The following ECHDC1 variants were observed in gnomAD, a reference collection of about 807,000 sequenced individuals.
The protein encoded by ECHDC1 is ethylmalonyl-CoA decarboxylase.
Under a neutral mutation model 29.7 loss-of-function variants are expected in ECHDC1, and 29 were observed. The observed-to-expected ratio is 0.98, with a 90% CI of 0.73 to 1.33. ECHDC1 has a LOEUF of 1.33. ECHDC1 is among the 40% of genes most tolerant of loss of function. The probability of loss-of-function intolerance (pLI) is 0.00; values close to 1 mark genes in which losing one functional copy is unlikely to be tolerated. For missense variants in ECHDC1, 328 were observed against 350.0 expected (o/e 0.94, Z 0.50); for synonymous variants, 126 against 123.1 (o/e 1.02, Z -0.15).
chr6:127,316,002 C>G, intron 4 of ECHDC1: 1 of 470,774 alleles, frequency 2.1e-6, no homozygotes, highest in South Asian at 1.5e-5. Flanking sequence ...TCATATTCCT[C>G]AGAAAGCTGT....
intron 5 of ECHDC1, among the ~76,000 whole-genome samples, chr6:127,296,337 G>A (rs1371724545): frequency 2.0e-5 from 3 of 152,048 alleles, no homozygotes; most frequent in Non-Finnish European, 2.9e-5. Context: ...GCAACTACAC[G>A]TGCGCCATCA....
At chr6:127,308,472 GA>G (rs1246907796) in intron 5 of ECHDC1, among the ~76,000 whole-genome samples, 1 of 151,992 alleles carries the variant, frequency 6.6e-6, no homozygotes, top group Non-Finnish European at 1.5e-5. Flanking sequence ...AAACTACCAA[GA>G]AACTAGGTAT....
At chr6:127,328,689 T>C (rs1334726254) in intron 2 of ECHDC1, among the ~76,000 whole-genome samples, 1 of 152,222 alleles carries the variant, frequency 6.6e-6, no homozygotes, top group Non-Finnish European at 1.5e-5. Context: ...AGAATAAATC[T>C]GTATAGGTTA....
chr6:127,303,164 A>G (rs983788969), intron 5 of ECHDC1, among the ~76,000 whole-genome samples: 10 of 152,092 alleles, frequency 6.6e-5, no homozygotes, highest in African/African-American at 2.4e-4. Flanking sequence ...ACTGTTTTTC[A>G]TAAGTTAGCA....
chr6:127,333,042 C>A (rs942379763), intron 1 of ECHDC1, among the ~76,000 whole-genome samples: 2 of 152,208 alleles, frequency 1.3e-5, no homozygotes, highest in African/African-American at 4.8e-5. Context: ...ATCCACCCAC[C>A]TTGGCTTCCC....
intron 5 of ECHDC1, among the ~76,000 whole-genome samples, chr6:127,302,970 T>C (rs1242301621): frequency 1.3e-5 from 2 of 152,146 alleles, no homozygotes; most frequent in East Asian, 3.9e-4. Flanking sequence ...CTTTTTTTTA[T>C]TGTGCATAAG....
intron 1 of ECHDC1, among the ~76,000 whole-genome samples, chr6:127,339,995 G>A (rs988364419): frequency 2.6e-5 from 4 of 152,108 alleles, no homozygotes; most frequent in African/African-American, 9.7e-5. Flanking sequence ...GAAAGGGAAG[G>A]CAAGAGCTCC....
At chr6:127,326,653 G>C (rs1783366597) in intron 3 of ECHDC1, 2 of 386,742 alleles carry the variant, frequency 5.2e-6, no homozygotes, top group East Asian at 7.1e-5. Context: ...AACAGACAAA[G>C]TGGGGCATTT....
In ECHDC1 at chr6:127,327,019, A is replaced by G. The variant is rs1447294706; in HGVS notation, c.346T>C (p.Ser116Pro). The G allele has an allele frequency of 3.1e-6, 5 of 1,613,726 alleles. No individual in the cohort carries two copies. The highest frequency in any genetic ancestry group is 2.2e-5 in the South Asian group (2 of 91,016). ...SSGSDLNAVK[S>P]LGTPEDGMAV... Reference sequence around the variant, plus strand: ...ACACTTGCCTCTGGAGTTCCTAGTGATTTCACAGCATTCAGATCAGATCCT... The same window carrying G: ...ACACTTGCCTCTGGAGTTCCTAGTGGTTTCACAGCATTCAGATCAGATCCT... Residue 116 changes from serine (S) to proline (P), a missense_variant, in exon 3 of 6, where the codon TCA becomes CCA. Transcript: ENST00000454859.
chr6:127,337,158 T>G (rs962545959), intron 1 of ECHDC1, among the ~76,000 whole-genome samples: 2 of 152,204 alleles, frequency 1.3e-5, no homozygotes, highest in Non-Finnish European at 2.9e-5. Flanking sequence ...TAAATACATT[T>G]CCTTGCCATA....
chr6:127,302,588 C>T (rs1036006133), intron 5 of ECHDC1, among the ~76,000 whole-genome samples: 6 of 151,858 alleles, frequency 4.0e-5, no homozygotes, highest in East Asian at 1.9e-4. Flanking sequence ...TTAGTAGAGA[C>T]GGGTTTTCAC....
intron 5 of ECHDC1, among the ~76,000 whole-genome samples, chr6:127,296,966 C>T (rs1383663800): frequency 6.6e-6 from 1 of 151,998 alleles, no homozygotes; most frequent in Admixed American, 6.6e-5. Context: ...GATCGTACCA[C>T]TATACACCCC....
At chr6:127,291,086 G>A (rs1043194993) in intron 5 of ECHDC1, among the ~76,000 whole-genome samples, 1 of 152,022 alleles carries the variant, frequency 6.6e-6, no homozygotes, top group Non-Finnish European at 1.5e-5. Flanking sequence ...CGAGTACAGT[G>A]TAACTGGAAC....
At chr6:127,293,899 CTG>C (rs1197445349) in intron 5 of ECHDC1, among the ~76,000 whole-genome samples, 1 of 152,160 alleles carries the variant, frequency 6.6e-6, no homozygotes, top group Non-Finnish European at 1.5e-5. Flanking sequence ...ATACTCAACA[CTG>C]TATAACCAGC....
At chr6:127,296,577 C>T (rs1162529251) in intron 5 of ECHDC1, among the ~76,000 whole-genome samples, 1 of 151,858 alleles carries the variant, frequency 6.6e-6, no homozygotes, top group East Asian at 1.9e-4. Flanking sequence ...TGACATTATC[C>T]CTAATACTTG....
At chr6:127,338,583 CA>C (rs1784638842) in intron 1 of ECHDC1, among the ~76,000 whole-genome samples, 1 of 152,038 alleles carries the variant, frequency 6.6e-6, no homozygotes, top group African/African-American at 2.4e-5. Context: ...CAACCAAAAT[CA>C]AGCAACATAC....
chr6:127,305,284 C>G (rs1258395259), intron 5 of ECHDC1, among the ~76,000 whole-genome samples: 1 of 152,066 alleles, frequency 6.6e-6, no homozygotes, highest in East Asian at 1.9e-4. Flanking sequence ...ACTGCAAGTG[C>G]TGAGGGAAAA....
At chr6:127,331,376 C>T (rs915634388) in intron 1 of ECHDC1, among the ~76,000 whole-genome samples, 9 of 151,988 alleles carry the variant, frequency 5.9e-5, no homozygotes, top group African/African-American at 1.7e-4. Context: ...GAACTCCTGA[C>T]CTCAAATGAT....
At chr6:127,331,165 T>TG in intron 1 of ECHDC1, 135 bp from the exon 2 acceptor site, 1 of 677,722 alleles carries the variant, frequency 1.5e-6, no homozygotes, top group Non-Finnish European at 2.4e-6. Context: ...TTTTTTTTTT[T>TG]TTGAGACAAT....
Sources: gnomAD v4.1 joint callset for allele counts (sites outside exome capture counted in the v4.1 genomes callset) on GRCh38, gnomAD v4.1.1 for gene constraint, MANE v1.5 for transcripts, NCBI Gene and HGNC (gene_info 2026-07-23, HGNC 2026-07-21) for gene names.